TTC19: variants seen among roughly 807,000 people sequenced by gnomAD.
TTC19 encodes the protein tetratricopeptide repeat protein 19, mitochondrial.
A neutral mutation model predicts 49.5 loss-of-function variants in TTC19; 38 were observed. The ratio of observed to expected loss-of-function variants is 0.77; its 90% CI spans 0.59 to 1.01. The LOEUF is 1.01. Among genes scored for constraint, TTC19 ranks in the 50% least tolerant of loss-of-function variants. The probability of loss-of-function intolerance (pLI) is 0.00; values close to 1 mark genes in which losing one functional copy is unlikely to be tolerated. For synonymous variants in TTC19, 204 were observed against 185.2 expected, an observed-to-expected ratio of 1.10 and a Z score of -0.83; for missense variants, 475 against 477.7, an observed-to-expected ratio of 0.99 and a Z score of 0.05.
intron 9 of TTC19, 166 bp from the exon 10 acceptor site, chr17:16,027,207 AG>A: frequency 1.3e-6 from 1 of 754,826 alleles, no homozygotes; most frequent in Non-Finnish European, 2.2e-6. Flanking sequence ...CACAGCATTC[AG>A]TGGAGTTCCA....
intron 2 of TTC19, chr17:16,039,696 C>T (rs753978583): frequency 6.5e-7 from 1 of 1,546,174 alleles, no homozygotes; most frequent in East Asian, 2.3e-5. Context: ...TTCTGAAAGG[C>T]CAATCAGGAA....
intron 9 of TTC19, chr17:16,026,906 C>A: frequency 1.5e-6 from 1 of 648,922 alleles, no homozygotes; most frequent in Non-Finnish European, 2.8e-6. Context: ...CAGACCTGCA[C>A]TAGCCTGTCG....
At chr17:16,025,883 T>A (rs187447463) in intron 8 of TTC19, among the ~76,000 whole-genome samples, 16 of 152,286 alleles carry the variant, frequency 1.1e-4, no homozygotes, top group Admixed American at 1.0e-3. Context: ...ATTATCTCCA[T>A]GAAAGGGATT....
chr17:16,021,512 A>AAGGAATATGTATACC, intron 7 of TTC19, among the ~76,000 whole-genome samples: 1 of 152,352 alleles, frequency 6.6e-6, no homozygotes, highest in South Asian at 2.1e-4. Context: ...GATATTTATG[A>AAGGAATATGTATACC]AGGAATATGT....
intron 7 of TTC19, among the ~76,000 whole-genome samples, chr17:16,012,842 T>G (rs1262611905): frequency 2.0e-5 from 3 of 152,292 alleles, no homozygotes; most frequent in Non-Finnish European, 4.4e-5. Flanking sequence ...TAGGCCTATT[T>G]GCTTTTCTTT....
At chr17:16,037,870 A>T (rs765241148) in intron 2 of TTC19, among the ~76,000 whole-genome samples, 70 of 152,232 alleles carry the variant, frequency 4.6e-4, no homozygotes, top group Non-Finnish European at 7.6e-4. Context: ...AGCTCAGAAG[A>T]GATCAGAGCC....
intron 7 of TTC19, among the ~76,000 whole-genome samples, 171 bp downstream of exon 7, chr17:16,006,739 A>G (rs552213007): frequency 6.6e-6 from 1 of 152,248 alleles, no homozygotes; most frequent in African/African-American, 2.4e-5. Context: ...TGTTTTATTT[A>G]AAATATTTGA....
chr17:16,040,220 G>C (rs1212474826), intron 2 of TTC19: 1 of 649,148 alleles, frequency 1.5e-6, no homozygotes, highest in African/African-American at 1.8e-5. Flanking sequence ...TTCTTTAATA[G>C]TTTCATTCTT....
At chr17:16,029,428 G>A, downstream of TTC19, 1 of 277,586 alleles carries the variant, frequency 3.6e-6, no homozygotes, top group Non-Finnish European at 7.2e-6. Context: ...AGTTTTCTGG[G>A]CATAAATATT....
chr17:16,005,049 G>A lies in TTC19; in HGVS notation c.581+787G>A, dbSNP rs138676520. Among the ~76,000 whole-genome samples, 128 of 152,306 alleles carry A rather than the reference G, an allele frequency of 8.4e-4. 3 individuals carry two copies. The highest frequency in any genetic ancestry group is 3.0e-3 in the African/African-American group (124 of 41,576). ...TAACAAACATGCCTAGTTCTTGATTGGGTATGAATCCCTAGGGTAAGAAGA... is the reference window on the plus strand; with the variant it reads ...TAACAAACATGCCTAGTTCTTGATTAGGTATGAATCCCTAGGGTAAGAAGA... On this transcript the variant is annotated intron_variant, in intron 6 of 9. Transcript: ENST00000261647.
chr17:16,029,718 C>T (rs2058123236), downstream of TTC19: 1 of 152,796 alleles, frequency 6.5e-6, no homozygotes, highest in Non-Finnish European at 1.5e-5. Flanking sequence ...GGTGAACCTC[C>T]ATAGGTAAAC....
chr17:16,028,185 A>G lies in TTC19; in HGVS notation c.*663A>G, dbSNP rs764668601. On this transcript the variant is annotated 3_prime_UTR_variant, in exon 10 of 10. Transcript: ENST00000261647. ...TAAAACTAAAAATGGGGGTGTTTAT[A>G]TAAAACTAAAAACTAAGAATGATGT... is the stretch of plus-strand genomic sequence containing the variant. 10 of 454,094 alleles carry G rather than the reference A, an allele frequency of 2.2e-5. No individual in the cohort carries two copies. Among genetic ancestry groups the G allele is most frequent in the South Asian group, 1.4e-4 (9 of 64,480 alleles). The allele number at this position is 454,094 out of a possible 1,614,324, so 28.1% of individuals were successfully genotyped here.
At chr17:16,026,462 A>C (rs1249745521) in intron 8 of TTC19, 78 bp from the exon 9 acceptor site, 1 of 1,314,192 alleles carries the variant, frequency 7.6e-7, no homozygotes, top group African/African-American at 1.5e-5. Context: ...TTATGTATTC[A>C]GAGTTGGATG....
At chr17:16,003,517 A>T (rs1234583759) in intron 4 of TTC19, among the ~76,000 whole-genome samples, 1 of 152,070 alleles carries the variant, frequency 6.6e-6, no homozygotes, top group Non-Finnish European at 1.5e-5. Flanking sequence ...AATCAAAAAG[A>T]TGGAGAAGAG....
Position 16,028,112 on chromosome 17 carries a change from G to A in TTC19, c.*590G>A, listed in dbSNP as rs1402193695. On this transcript the variant is annotated 3_prime_UTR_variant, in exon 10 of 10. Transcript: ENST00000261647. ...TGGGGATTAGGCACGTGACAGTATA[G>A]CACCCATTTGAATTTAAATAAAAGT... 2.2e-6 allele frequency: 1 copy of A among 454,040 alleles called. No individual in the cohort carries two copies. Among genetic ancestry groups the A allele is most frequent in the South Asian group, 1.6e-5 (1 of 64,470 alleles). 28.1% of individuals were successfully genotyped at this position (454,040 alleles called of 1,614,324 possible). A position where few individuals can be genotyped will look rare whatever the true frequency, so the allele number is the denominator to read the frequency against.
intron 6 of TTC19, among the ~76,000 whole-genome samples, chr17:16,006,255 C>T (rs1970904114): frequency 6.6e-6 from 1 of 151,996 alleles, no homozygotes; most frequent in South Asian, 2.1e-4. Context: ...ACCAAAAATA[C>T]AAAAATTAGC....
At chr17:16,039,450 T>C (rs755467081) in intron 2 of TTC19, 1 of 1,613,890 alleles carries the variant, frequency 6.2e-7, no homozygotes, top group Non-Finnish European at 8.5e-7. Context: ...AGGTGATGGG[T>C]CCCCTTCCTC....
chr17:16,031,165 GTAA>G (rs1971918024), downstream of TTC19: 1 of 197,392 alleles, frequency 5.1e-6, no homozygotes, highest in Non-Finnish European at 1.1e-5. Context: ...ACATTTAACA[GTAA>G]ACTCTTGTCC....
chr17:16,035,022 C>A, intron 2 of TTC19: 3 of 1,369,798 alleles, frequency 2.2e-6, no homozygotes, highest in South Asian at 1.4e-5. Flanking sequence ...TTATATATTG[C>A]TAAATGAAAA....
Sources: gnomAD v4.1 joint callset for allele counts (sites outside exome capture counted in the v4.1 genomes callset) on GRCh38, gnomAD v4.1.1 for gene constraint, MANE v1.5 for transcripts, NCBI Gene and HGNC (gene_info 2026-07-23, HGNC 2026-07-21) for gene names.